The following PRKAG2 variants were observed in gnomAD, a reference collection of about 807,000 sequenced individuals.
PRKAG2 encodes protein kinase AMP-activated non-catalytic subunit gamma 2.
In PRKAG2, 26 loss-of-function variants were observed where a neutral mutation model predicts 69.6. The observed-to-expected ratio is 0.37, with a 90% CI of 0.27 to 0.52. The LOEUF is 0.52. Ranked by LOEUF, PRKAG2 falls within the 20% of genes least tolerant of loss-of-function variation. The pLI is 0.90. For synonymous variants in PRKAG2, 293 were observed against 285.0 expected, an observed-to-expected ratio of 1.03 and a Z score of -0.28; for missense variants, 557 against 740.0, an observed-to-expected ratio of 0.75 and a Z score of 2.87.
chr7:151,568,732 T>C lies in PRKAG2; in HGVS notation c.1217A>G (p.Lys406Arg). 6.2e-7 allele frequency: 1 copy of C among 1,613,960 alleles called. No homozygotes were observed. The highest frequency in any genetic ancestry group is 8.5e-7 in the Non-Finnish European group (1 of 1,179,850). The change falls in exon 11 of 16, where the codon AAG becomes AGG. Residue 406 changes from lysine to arginine, a missense_variant. Around this residue, in one of 2 missense-constraint regions of PRKAG2, gnomAD observed 205 missense variants for 383.4 expected, o/e 0.53. Transcript: ENST00000287878. Reference sequence around the variant, plus strand: ...ACTACTTACAAAAAGCTGGAGGAACTTGAGGATTCTTTTGTGGGTAAGTAT... The same window carrying C: ...ACTACTTACAAAAAGCTGGAGGAACCTGAGGATTCTTTTGTGGGTAAGTAT... ...LYILTHKRIL[K>R]FLQLFMSDMP...
chr7:151,866,516 A>T (rs1197660497), intron 1 of PRKAG2, among the ~76,000 whole-genome samples: 1 of 152,190 alleles, frequency 6.6e-6, no homozygotes, highest in African/African-American at 2.4e-5. Flanking sequence ...AATCTGTTGA[A>T]AACCATGCCA....
chr7:151,857,328 G>A (rs1218565384), intron 1 of PRKAG2, among the ~76,000 whole-genome samples: 1 of 150,868 alleles, frequency 6.6e-6, no homozygotes, highest in East Asian at 1.9e-4. Flanking sequence ...AATGAGGAAT[G>A]AGGCCGATGC....
Position 151,781,535 on chromosome 7 carries a change from C to T in PRKAG2, c.187-104G>A. The T allele has an allele frequency of 3.7e-6, 5 of 1,362,132 alleles. No individual in the cohort carries two copies. The highest frequency in any genetic ancestry group is 4.0e-6 in the Non-Finnish European group (4 of 991,474). The allele number at this position is 1,362,132 out of a possible 1,614,324, so 84.4% of individuals were successfully genotyped here. A position where few individuals can be genotyped will look rare whatever the true frequency, so the allele number is the denominator to read the frequency against. On this transcript the variant is annotated intron_variant, in intron 2 of 15. Transcript: ENST00000287878. This position sits in a 1 kb window ranked among gnomAD's most constrained non-coding sequence, Gnocchi z 6.1. The stretch of plus-strand genomic sequence containing the variant: ...TTGTCCTCTCTCACATGCGGGCCCC[C>T]CATAGTACCCTCCCAGAGAAACAGC...
rs371509411 is a variant in PRKAG2 at position 151,807,758 on chromosome 7, C to T, written c.115-21217G>A. 15 of 373,972 alleles carry T rather than the reference C, an allele frequency of 4.0e-5. No homozygotes were observed. Among genetic ancestry groups the T allele is most frequent in the East Asian group, 1.5e-4 (2 of 13,680 alleles). 23.2% of individuals were successfully genotyped at this position (373,972 alleles called of 1,614,324 possible). The stretch of plus-strand genomic sequence containing the variant: ...AGCCAGGAGCGAGAACTCGTGCATC[C>T]GAACCCTTCTCTGACTTGGCGGGTT... On this transcript the variant is annotated intron_variant, in intron 1 of 15. Transcript: ENST00000287878. This position sits in a 1 kb window ranked among gnomAD's most constrained non-coding sequence, Gnocchi z 4.4.
At chr7:151,700,770 G>T (rs1837538590) in intron 3 of PRKAG2, among the ~76,000 whole-genome samples, 1 of 152,046 alleles carries the variant, frequency 6.6e-6, no homozygotes, top group African/African-American at 2.4e-5. Flanking sequence ...ATGTGGCCAG[G>T]CCATAGTTCC....
chr7:151,783,792 C>A (rs1022428963), intron 2 of PRKAG2, among the ~76,000 whole-genome samples: 1 of 151,198 alleles, frequency 6.6e-6, no homozygotes, highest in Non-Finnish European at 1.5e-5. Context: ...GTAGTCCCAG[C>A]TACTCAAGCA....
chr7:151,797,702 CAGAGGAAGGAGGAAATACCATGGACTTA>C (rs2077627176), intron 1 of PRKAG2, among the ~76,000 whole-genome samples: 1 of 152,194 alleles, frequency 6.6e-6, no homozygotes, highest in South Asian at 2.1e-4. Context: ...ACAGGGAGTT[CAGAGGAAGGAGGAAATACCATGGACTTA>C]AAAAGCAAGC....
Position 151,807,751 on chromosome 7 carries a change from G to C in PRKAG2, c.115-21210C>G. Reference sequence around the variant, plus strand: ...CAGAGGAAGCCAGGAGCGAGAACTCGTGCATCCGAACCCTTCTCTGACTTG... The same window carrying C: ...CAGAGGAAGCCAGGAGCGAGAACTCCTGCATCCGAACCCTTCTCTGACTTG... On this transcript the variant is annotated intron_variant, in intron 1 of 15. Transcript: ENST00000287878. This position sits in a 1 kb window ranked among gnomAD's most constrained non-coding sequence, Gnocchi z 4.4. The C allele has an allele frequency of 2.6e-6, 1 of 382,266 alleles. No individual in the cohort carries two copies. The highest frequency in any genetic ancestry group is 1.9e-5 in the South Asian group (1 of 51,852). 23.7% of individuals were successfully genotyped at this position (382,266 alleles called of 1,614,324 possible).
chr7:151,775,476 G>A (rs1287767415), intron 3 of PRKAG2, among the ~76,000 whole-genome samples: 5 of 152,238 alleles, frequency 3.3e-5, no homozygotes, highest in South Asian at 2.1e-4. Context: ...TTGGAATTCC[G>A]TAAATGCCCC....
At chr7:151,674,677 C>T (rs1832617387) in intron 4 of PRKAG2, among the ~76,000 whole-genome samples, 1 of 152,122 alleles carries the variant, frequency 6.6e-6, no homozygotes, top group Non-Finnish European at 1.5e-5. Context: ...CTATGAAATG[C>T]TCCCCTTCCA....
At chr7:151,711,257 T>G (rs1340829610) in intron 3 of PRKAG2, among the ~76,000 whole-genome samples, 1 of 149,000 alleles carries the variant, frequency 6.7e-6, no homozygotes, top group Non-Finnish European at 1.5e-5. Flanking sequence ...GCTGAGAGTA[T>G]GAAGAGTGCT....
intron 4 of PRKAG2, among the ~76,000 whole-genome samples, chr7:151,644,297 T>C (rs987390455): frequency 1.3e-5 from 2 of 152,262 alleles, no homozygotes; most frequent in African/African-American, 2.4e-5. Flanking sequence ...AAATAAAATA[T>C]AGAGAAAATT....
intron 1 of PRKAG2, among the ~76,000 whole-genome samples, chr7:151,849,864 A>C (rs1180219383): frequency 6.6e-6 from 1 of 152,168 alleles, no homozygotes; most frequent in East Asian, 1.9e-4. Flanking sequence ...CCATATCCAC[A>C]CAAGGTCACA....
chr7:151,831,976 A>G (rs893315449), intron 1 of PRKAG2, among the ~76,000 whole-genome samples: 1 of 151,934 alleles, frequency 6.6e-6, no homozygotes, highest in Non-Finnish European at 1.5e-5. Context: ...AAACTCACAC[A>G]CTGGGGCCTC....
rs8961 is a variant in PRKAG2 at position 151,557,089 on chromosome 7, T to C, written c.*112A>G. 0.63 allele frequency: 960,257 copies of C among 1,515,240 alleles called. 309,960 individuals carry two copies. Among genetic ancestry groups the C allele is most frequent in the East Asian group, 0.72 (31,704 of 44,214 alleles). The allele number at this position is 1,515,240 out of a possible 1,614,324, so 93.9% of individuals were successfully genotyped here. On this transcript the variant is annotated 3_prime_UTR_variant, in exon 16 of 16. Transcript: ENST00000287878. ...CAACATCACTGGAAGAAATACCTAT[T>C]GTTAAACCCTGATATACATTCTTAA...
chr7:151,631,987 G>A, intron 5 of PRKAG2, 82 bp downstream of exon 5: 4 of 1,131,638 alleles, frequency 3.5e-6, no homozygotes, highest in Non-Finnish European at 4.4e-6. Flanking sequence ...CCGGAGATGG[G>A]GCGCGGGGTC....
intron 3 of PRKAG2, among the ~76,000 whole-genome samples, chr7:151,737,433 G>A (rs2073516090): frequency 6.6e-6 from 1 of 152,086 alleles, no homozygotes; most frequent in Admixed American, 6.5e-5. Context: ...TGCACATGAG[G>A]AGGAGACTAT....
In PRKAG2 at chr7:151,638,404, G is replaced by A. The variant is rs144210149; in HGVS notation, c.685-6266C>T. On this transcript the variant is annotated intron_variant, in intron 4 of 15. Transcript: ENST00000287878. This position sits in a 1 kb window ranked among gnomAD's most constrained non-coding sequence, Gnocchi z 4.3. ...AATCCCAGCACTTTGGGAGGCCGAG[G>A]CGGGCGGATCACAAGGTCAGGAGAT... 2.1e-3 allele frequency among the ~76,000 whole-genome samples: 323 copies of A among 152,304 alleles called. 1 individual carries two copies. Among genetic ancestry groups the A allele is most frequent in the African/African-American group, 7.4e-3 (308 of 41,562 alleles).
chr7:151,632,323 C>T lies in PRKAG2; in HGVS notation c.685-185G>A, dbSNP rs1824803440. 4.5e-6 allele frequency: 3 copies of T among 670,888 alleles called. No individual in the cohort carries two copies. Among genetic ancestry groups the T allele is most frequent in the African/African-American group, 2.0e-5 (1 of 50,814 alleles). The allele number at this position is 670,888 out of a possible 1,614,324, so 41.6% of individuals were successfully genotyped here. ...GAGCGCTGCCCCCACCCGCCCGAGG[C>T]CGCCGCCGCCGCCGCAGGTGGCGCG... is the stretch of plus-strand genomic sequence containing the variant. On this transcript the variant is annotated intron_variant, in intron 4 of 15. Transcript: ENST00000287878. The surrounding 1 kb of genome is among the most constrained non-coding windows in gnomAD (Gnocchi z 4.2).
Sources: allele counts gnomAD v4.1 joint callset (sites outside exome capture counted in the v4.1 genomes callset), GRCh38; gene constraint gnomAD v4.1.1; regional missense constraint gnomAD v4.1.1; non-coding constraint Gnocchi (gnomAD v3.1); transcripts MANE v1.5; gene names NCBI Gene and HGNC (gene_info 2026-07-23, HGNC 2026-07-21).